Variants in PEPD observed in about 807,000 individuals in gnomAD.
The protein encoded by PEPD is peptidase D.
PEPD carries 53 observed loss-of-function variants against 60.7 expected under a neutral mutation model. That is an observed-to-expected ratio of 0.87 (90% CI 0.70 to 1.10). The LOEUF is 1.10. PEPD is among the 50% of genes least tolerant of loss of function. The pLI, the probability that PEPD is intolerant of heterozygous loss-of-function variation, is 0.00. For synonymous variants in PEPD, 267 were observed against 284.1 expected, an observed-to-expected ratio of 0.94 and a Z score of 0.60; for missense variants, 711 against 711.9, an observed-to-expected ratio of 1.00 and a Z score of 0.01.
chr19:33,410,637 G>T (rs899656121), intron 11 of PEPD, among the ~76,000 whole-genome samples: 2 of 152,052 alleles, frequency 1.3e-5, no homozygotes, highest in African/African-American at 2.4e-5. Flanking sequence ...AGCCCAGCTG[G>T]GCGCCACGCA....
chr19:33,400,176 G>T (rs1271842229), intron 12 of PEPD, among the ~76,000 whole-genome samples: 2 of 152,208 alleles, frequency 1.3e-5, no homozygotes, highest in Non-Finnish European at 2.9e-5. Flanking sequence ...GAGGCAGTGG[G>T]CGAGGGTGGG....
At chr19:33,420,964 G>A (rs1424154905) in intron 9 of PEPD, among the ~76,000 whole-genome samples, 1 of 152,082 alleles carries the variant, frequency 6.6e-6, no homozygotes, top group African/African-American at 2.4e-5. Context: ...AAACAATATG[G>A]TCTCTTGCGT....
At chr19:33,402,742 G>T (rs1184292571) in intron 11 of PEPD, among the ~76,000 whole-genome samples, 5 of 152,196 alleles carry the variant, frequency 3.3e-5, no homozygotes, top group Non-Finnish European at 7.4e-5. Flanking sequence ...ACAGGCAGGG[G>T]CGTGGAGAAT....
intron 1 of PEPD, among the ~76,000 whole-genome samples, chr19:33,518,453 C>A (rs1971065755): frequency 6.6e-6 from 1 of 152,276 alleles, no homozygotes; most frequent in Middle Eastern, 3.4e-3. Context: ...AATGCTGACT[C>A]CAGTGTAACC....
At chr19:33,514,345 C>T (rs1442234271) in intron 1 of PEPD, among the ~76,000 whole-genome samples, 2 of 151,982 alleles carry the variant, frequency 1.3e-5, no homozygotes, top group African/African-American at 4.8e-5. Flanking sequence ...TCTGGGGCAC[C>T]TCACACTCAC....
At chr19:33,389,951 G>A (rs530469549) in intron 13 of PEPD, among the ~76,000 whole-genome samples, 1 of 152,244 alleles carries the variant, frequency 6.6e-6, no homozygotes, top group Non-Finnish European at 1.5e-5. Context: ...GGGAGGGCAC[G>A]AGCCCCTGTG....
chr19:33,400,092 C>T (rs115106506), intron 12 of PEPD, among the ~76,000 whole-genome samples: 2,015 of 152,272 alleles, frequency 0.013, 45 homozygotes, highest in African/African-American at 0.045. Context: ...TCCTGGAGGA[C>T]GCCTGAGCTC....
intron 9 of PEPD, among the ~76,000 whole-genome samples, chr19:33,443,607 T>C (rs1969526595): frequency 6.7e-6 from 1 of 150,262 alleles, no homozygotes; most frequent in Non-Finnish European, 1.5e-5. Context: ...GAAAACGACA[T>C]AAAAACAAGT....
chr19:33,430,661 G>A (rs1242432839), intron 9 of PEPD, among the ~76,000 whole-genome samples: 1 of 152,142 alleles, frequency 6.6e-6, no homozygotes, highest in Non-Finnish European at 1.5e-5. Context: ...TCAGAGTAAA[G>A]CTATTTTCAT....
intron 1 of PEPD, among the ~76,000 whole-genome samples, chr19:33,521,210 A>G (rs1264950308): frequency 6.6e-6 from 1 of 152,256 alleles, no homozygotes; most frequent in Non-Finnish European, 1.5e-5. Context: ...GAGAAGATAA[A>G]GAACAAGTAC....
chr19:33,408,013 G>C (rs1479328709), intron 11 of PEPD, among the ~76,000 whole-genome samples: 2 of 152,238 alleles, frequency 1.3e-5, no homozygotes, highest in South Asian at 2.1e-4. Context: ...CCTGAAGCAG[G>C]AACCAGGGTG....
chr19:33,395,131 C>T, intron 12 of PEPD: 1 of 152,556 alleles, frequency 6.6e-6, no homozygotes, highest in Non-Finnish European at 1.5e-5. Flanking sequence ...TTAGCTGGGG[C>T]CACCTCCTCC....
chr19:33,455,914 A>G (rs1008271467), intron 9 of PEPD, among the ~76,000 whole-genome samples: 1 of 152,194 alleles, frequency 6.6e-6, no homozygotes, highest in Non-Finnish European at 1.5e-5. Context: ...ATTCTCCAGG[A>G]GCAATGCGCC....
chr19:33,408,436 G>A (rs1349527966), intron 11 of PEPD, among the ~76,000 whole-genome samples: 6 of 152,366 alleles, frequency 3.9e-5, no homozygotes, highest in East Asian at 3.9e-4. Context: ...TCATTGCAAC[G>A]CAGCACAGCC....
chr19:33,421,779 G>GTGCC (rs1969025393), intron 9 of PEPD, among the ~76,000 whole-genome samples: 1 of 151,932 alleles, frequency 6.6e-6, no homozygotes, highest in Non-Finnish European at 1.5e-5. Context: ...ACAGGTGTGA[G>GTGCC]CCACTGTGCC....
intron 4 of PEPD, among the ~76,000 whole-genome samples, chr19:33,499,047 G>A (rs1256350919): frequency 1.3e-5 from 2 of 152,310 alleles, no homozygotes; most frequent in East Asian, 1.9e-4. Context: ...GAAGGAAAAC[G>A]AGAATGAAGG....
At chr19:33,447,552 A>G (rs1006232496) in intron 9 of PEPD, among the ~76,000 whole-genome samples, 2 of 152,254 alleles carry the variant, frequency 1.3e-5, no homozygotes, top group Admixed American at 6.5e-5. Flanking sequence ...TGTCACTGAC[A>G]TGGGATGGAG....
At chr19:33,423,253 T>G (rs886403096) in intron 9 of PEPD, among the ~76,000 whole-genome samples, 3 of 152,244 alleles carry the variant, frequency 2.0e-5, no homozygotes, top group African/African-American at 7.2e-5. Flanking sequence ...GTTGAGTGAC[T>G]GAATAAGTGA....
At chr19:33,438,876 T>C (rs1475275884) in intron 9 of PEPD, among the ~76,000 whole-genome samples, 1 of 152,204 alleles carries the variant, frequency 6.6e-6, no homozygotes, top group Non-Finnish European at 1.5e-5. Flanking sequence ...CGCACCACCA[T>C]GCCCAGTTAA....
Sources: gnomAD v4.1 joint callset for allele counts (sites outside exome capture counted in the v4.1 genomes callset) on GRCh38, gnomAD v4.1.1 for gene constraint, MANE v1.5 for transcripts, NCBI Gene and HGNC (gene_info 2026-07-23, HGNC 2026-07-21) for gene names.